Variants in CCNH observed in about 807,000 individuals in gnomAD.
CCNH encodes the protein cyclin H.
In CCNH, 31 loss-of-function variants were observed where a neutral mutation model predicts 41.9. The ratio of observed to expected loss-of-function variants is 0.74; its 90% CI spans 0.56 to 1.00. CCNH has a LOEUF of 1.00. Ranked by LOEUF, CCNH falls within the 50% of genes least tolerant of loss-of-function variation. The pLI, the probability that CCNH is intolerant of heterozygous loss-of-function variation, is 0.00. For missense variants in CCNH, 362 were observed against 388.4 expected, an observed-to-expected ratio of 0.93 and a Z score of 0.57; for synonymous variants, 138 against 136.1, an observed-to-expected ratio of 1.01 and a Z score of -0.10.
intron 9 of CCNH, chr5:87,332,439 T>C: frequency 7.5e-6 from 11 of 1,461,368 alleles, no homozygotes; most frequent in Non-Finnish European, 1.0e-5. Context: ...ATAATTTCTT[T>C]ATAAAACTTG....
chr5:87,312,213 T>C, the CCNH span, among the ~76,000 whole-genome samples: 1 of 152,352 alleles, frequency 6.6e-6, no homozygotes, highest in Admixed American at 6.5e-5. Flanking sequence ...TTAACTTATA[T>C]GTAACTTTAG....
chr5:87,378,972 G>A (rs546034188), upstream of CCNH, among the ~76,000 whole-genome samples: 77 of 152,118 alleles, frequency 5.1e-4, no homozygotes, highest in Non-Finnish European at 4.3e-4. Context: ...AATCTTTTTA[G>A]GATTATTAAA....
intron 9 of CCNH, among the ~76,000 whole-genome samples, chr5:87,353,986 T>G (rs1469261228): frequency 6.6e-6 from 1 of 152,120 alleles, no homozygotes; most frequent in Non-Finnish European, 1.5e-5. Context: ...ATGGAGGTAC[T>G]GTTATTCTAG....
intron 4 of CCNH, among the ~76,000 whole-genome samples, chr5:87,405,344 T>C (rs955868575): frequency 1.3e-5 from 2 of 152,190 alleles, no homozygotes; most frequent in African/African-American, 4.8e-5. Context: ...TTATATGAAA[T>C]TCCTTCTATT....
At chr5:87,329,604 A>T (rs1439371615) in intron 9 of CCNH, among the ~76,000 whole-genome samples, 1 of 152,212 alleles carries the variant, frequency 6.6e-6, no homozygotes, top group East Asian at 1.9e-4. Flanking sequence ...AGATTAAAGA[A>T]AAACCTTTTT....
downstream of CCNH, chr5:87,386,997 A>T: frequency 8.5e-7 from 1 of 1,182,484 alleles, no homozygotes; most frequent in Non-Finnish European, 1.2e-6. Context: ...AAGATTTTCT[A>T]TCCAAAACTA....
chr5:87,412,472 C>A (rs1398437093), intron 1 of CCNH: 10 of 1,416,158 alleles, frequency 7.1e-6, no homozygotes, highest in Non-Finnish European at 8.3e-6. Context: ...GGTTACTTGT[C>A]TGCCATTCGA....
intron 9 of CCNH, among the ~76,000 whole-genome samples, chr5:87,325,772 A>G (rs1386080077): frequency 1.3e-5 from 2 of 152,210 alleles, no homozygotes; most frequent in African/African-American, 2.4e-5. Context: ...TGTAGTAGAC[A>G]GTTTTCATTT....
At chr5:87,351,600 G>C (rs571948873) in intron 9 of CCNH, among the ~76,000 whole-genome samples, 1 of 151,730 alleles carries the variant, frequency 6.6e-6, no homozygotes, top group African/African-American at 2.4e-5. Context: ...CATTGAATAT[G>C]CTTTAGTTTT....
downstream of CCNH, chr5:87,394,228 T>C (rs1762737047): frequency 8.3e-7 from 1 of 1,203,238 alleles, no homozygotes; most frequent in Non-Finnish European, 1.0e-6. Context: ...TAATTTGATA[T>C]TAGTCACGAT....
At chr5:87,339,399 C>T (rs1758276134) in intron 9 of CCNH, among the ~76,000 whole-genome samples, 1 of 152,122 alleles carries the variant, frequency 6.6e-6, no homozygotes, top group African/African-American at 2.4e-5. Context: ...TCCATATAGG[C>T]AAACAGTATT....
At chr5:87,389,338 A>T (rs571490595), downstream of CCNH, 5 of 1,607,830 alleles carry the variant, frequency 3.1e-6, no homozygotes, top group South Asian at 4.4e-5. Flanking sequence ...TCTCAAAAAA[A>T]ACAAAAAAAA....
chr5:87,403,366 T>C (rs1453787378), intron 5 of CCNH, among the ~76,000 whole-genome samples: 2 of 152,168 alleles, frequency 1.3e-5, no homozygotes, highest in South Asian at 4.1e-4. Context: ...TAAGATGAAA[T>C]AAATTCATTT....
intron 9 of CCNH, among the ~76,000 whole-genome samples, chr5:87,348,750 T>C (rs1759044731): frequency 6.6e-6 from 1 of 151,906 alleles, no homozygotes; most frequent in South Asian, 2.1e-4. Flanking sequence ...TGTACCACTG[T>C]GCCTAGCACA....
chr5:87,332,671 A>G (rs781581906), intron 9 of CCNH: 3 of 1,586,788 alleles, frequency 1.9e-6, no homozygotes, highest in African/African-American at 2.7e-5. Context: ...ATATCTTTCA[A>G]AACTTTATTT....
downstream of CCNH, among the ~76,000 whole-genome samples, chr5:87,387,653 T>G (rs1475147591): frequency 6.6e-6 from 1 of 152,126 alleles, no homozygotes; most frequent in Non-Finnish European, 1.5e-5. Flanking sequence ...TGTTCTGTCT[T>G]AATGTATTCA....
intron 9 of CCNH, among the ~76,000 whole-genome samples, chr5:87,330,723 A>G (rs1757541554): frequency 2.0e-5 from 3 of 152,158 alleles, no homozygotes; most frequent in Non-Finnish European, 2.9e-5. Flanking sequence ...CAAAGGTGCT[A>G]TTTATTCTCC....
intron 8 of CCNH, 25 bp from the exon 9 acceptor site, chr5:87,394,509 A>T: frequency 6.2e-7 from 1 of 1,613,252 alleles, no homozygotes; most frequent in East Asian, 2.2e-5. Context: ...AAGTGTGGTA[A>T]GGATAACACT....
intron 9 of CCNH, among the ~76,000 whole-genome samples, chr5:87,346,476 T>C (rs1758868358): frequency 6.6e-6 from 1 of 151,918 alleles, no homozygotes; most frequent in African/African-American, 2.4e-5. Flanking sequence ...TAGTTTCTAG[T>C]TTTACTATCT....
Sources: allele counts gnomAD v4.1 joint callset (sites outside exome capture counted in the v4.1 genomes callset), GRCh38; gene constraint gnomAD v4.1.1; transcripts MANE v1.5; gene names NCBI Gene and HGNC (gene_info 2026-07-23, HGNC 2026-07-21).